HIPK2: variants seen among roughly 807,000 people sequenced by gnomAD.
HIPK2 encodes the protein homeodomain interacting protein kinase 2, also known as homeodomain-interacting protein kinase 2.
HIPK2 carries 27 observed loss-of-function variants against 113.7 expected under a neutral mutation model. That is an observed-to-expected ratio of 0.24 (90% CI 0.17 to 0.33). HIPK2 has a LOEUF of 0.33. Ranked by LOEUF, HIPK2 falls within the 10% of genes least tolerant of loss-of-function variation. HIPK2 has a pLI of 1.00. For synonymous variants in HIPK2, 631 were observed against 642.2 expected (o/e 0.98, Z 0.26); for missense variants, 1,257 against 1,588.0 (o/e 0.79, Z 3.54).
At chr7:139,668,377 T>C (rs913431560) in intron 2 of HIPK2, among the ~76,000 whole-genome samples, 5 of 152,020 alleles carry the variant, frequency 3.3e-5, no homozygotes, top group African/African-American at 1.2e-4. Flanking sequence ...CTGGCTAACA[T>C]GGTGAAACCC....
At position 139,581,613 on chromosome 7, in the gene HIPK2, C is replaced by T. The variant is rs576824479; in HGVS notation, c.2965+2204G>A. Among the ~76,000 whole-genome samples, 43 of 152,302 alleles carry T rather than the reference C, an allele frequency of 2.8e-4. No individual in the cohort carries two copies. The South Asian group carries it at 5.0e-3, about 18-fold the overall frequency. On this transcript the variant is annotated intron_variant, in intron 13 of 14. Transcript: ENST00000406875. ...AAGAGGGCTGGGGGAGCGCTGAACT[C>T]TCCCATGCTCTGGGTGCTGTAGCTG...
intron 1 of HIPK2, among the ~76,000 whole-genome samples, chr7:139,765,306 T>C (rs1173701140): frequency 6.6e-6 from 1 of 152,184 alleles, no homozygotes; most frequent in Non-Finnish European, 1.5e-5. Flanking sequence ...CTCATGATAG[T>C]AAATAACCTT....
At chr7:139,691,312 G>C (rs938440749) in intron 2 of HIPK2, among the ~76,000 whole-genome samples, 2 of 152,162 alleles carry the variant, frequency 1.3e-5, no homozygotes, top group East Asian at 3.8e-4. Context: ...GCAGTTGCTG[G>C]TAATTTAGCA....
At chr7:139,585,485 T>G (rs1798803876) in intron 12 of HIPK2, among the ~76,000 whole-genome samples, 1 of 152,210 alleles carries the variant, frequency 6.6e-6, no homozygotes, top group Admixed American at 6.5e-5. Context: ...CCTCTCTGGT[T>G]CAGGGTGCCT....
chr7:139,579,040 C>T (rs1211870308), intron 13 of HIPK2, among the ~76,000 whole-genome samples: 1 of 152,152 alleles, frequency 6.6e-6, no homozygotes, highest in African/African-American at 2.4e-5. Context: ...CCTGGTGACA[C>T]TGAAAAGCGT....
Position 139,596,784 on chromosome 7 carries a change from T to C in HIPK2, c.2650A>G (p.Thr884Ala), listed in dbSNP as rs377181369. 1 of 1,613,892 alleles carries C rather than the reference T, an allele frequency of 6.2e-7. No homozygotes were observed. The highest frequency in any genetic ancestry group is 8.5e-7 in the Non-Finnish European group (1 of 1,179,814). The change falls in exon 12 of 15, where the codon ACG (threonine) becomes GCG (alanine). Residue 884 changes from threonine to alanine, a missense_variant. Physicochemically the swap from Thr to Ala is moderately conservative, Grantham distance 58. Around this residue, in one of 5 missense-constraint regions of HIPK2, gnomAD observed 862 missense variants for 1,004.3 expected, o/e 0.86. Coordinates refer to ENST00000406875, the MANE Select transcript of HIPK2 (RefSeq NM_022740.5). ...TIVIPDTPSP[T>A]VSVITISSDT... ...CTGCTGATGGTGATGACGCTGACCG[T>C]GGGGCTGGGAGTGTCGGGAATGACA...
intron 2 of HIPK2, among the ~76,000 whole-genome samples, chr7:139,632,907 G>A (rs1456964966): frequency 6.6e-6 from 1 of 151,800 alleles, no homozygotes; most frequent in Admixed American, 6.6e-5. Context: ...GCAAAACCCT[G>A]TCTCTACCAA....
intron 11 of HIPK2, among the ~76,000 whole-genome samples, chr7:139,599,206 ATCTC>A (rs144276228): frequency 2.0e-5 from 3 of 150,364 alleles, no homozygotes; most frequent in Non-Finnish European, 3.0e-5. Context: ...TAGTCACACG[ATCTC>A]TCTCTCTCTC....
At position 139,588,835 on chromosome 7, in the gene HIPK2, C is replaced by T. The variant is rs79112343; in HGVS notation, c.2718-4771G>A. The stretch of plus-strand genomic sequence containing the variant: ...ATAAGGGAACTCCTCCCACCTCACA[C>T]TGTTTCGAAGTACTCTGAGGGCCAG... On this transcript the variant is annotated intron_variant, in intron 12 of 14. Coordinates refer to ENST00000406875, the MANE Select transcript of HIPK2 (RefSeq NM_022740.5). 1.4e-4 allele frequency among the ~76,000 whole-genome samples: 22 copies of T among 152,308 alleles called. No individual in the cohort carries two copies. In the East Asian group the frequency reaches 3.9e-3, roughly 27 times the overall value.
intron 2 of HIPK2, among the ~76,000 whole-genome samples, chr7:139,668,037 G>A (rs528136638): frequency 4.6e-4 from 69 of 150,396 alleles, no homozygotes; most frequent in Middle Eastern, 3.4e-3. Context: ...TGAGACAGGC[G>A]ATCGCTTGAA....
intron 13 of HIPK2, among the ~76,000 whole-genome samples, chr7:139,583,073 A>G (rs1798720180): frequency 6.6e-6 from 1 of 152,230 alleles, no homozygotes; most frequent in African/African-American, 2.4e-5. Flanking sequence ...ACGCAGGTGC[A>G]GGCTGGCTTG....
intron 12 of HIPK2, among the ~76,000 whole-genome samples, chr7:139,594,177 C>G (rs1799120320): frequency 6.6e-6 from 1 of 152,204 alleles, no homozygotes; most frequent in South Asian, 2.1e-4. Flanking sequence ...CAAAGCCCCC[C>G]TCCCCTGCTA....
intron 2 of HIPK2, among the ~76,000 whole-genome samples, chr7:139,684,764 A>T (rs150904464): frequency 6.6e-6 from 1 of 152,238 alleles, no homozygotes; most frequent in Admixed American, 6.5e-5. Flanking sequence ...CTCTTGTGCC[A>T]AACAGCCAAG....
chr7:139,709,836 T>G (rs1014760171), intron 2 of HIPK2, among the ~76,000 whole-genome samples: 22 of 152,210 alleles, frequency 1.4e-4, no homozygotes, highest in Non-Finnish European at 2.4e-4. Flanking sequence ...GCTTCAGAAC[T>G]GAGCCTTAGA....
At chr7:139,642,485 C>A (rs1443039179) in intron 2 of HIPK2, among the ~76,000 whole-genome samples, 1 of 152,232 alleles carries the variant, frequency 6.6e-6, no homozygotes, top group African/African-American at 2.4e-5. Context: ...AGAGACAACA[C>A]GCCCTGTGAC....
rs1307910011 is a variant in HIPK2 at position 139,575,275 on chromosome 7, G to A, written c.2979C>T (p.His993=). 5 of 1,572,108 alleles carry A rather than the reference G, an allele frequency of 3.2e-6. No individual in the cohort carries two copies. Among genetic ancestry groups the A allele is most frequent in the Non-Finnish European group, 4.3e-6 (5 of 1,158,704 alleles). The change falls in exon 14 of 15, where the codon CAC becomes CAT. Residue 993 remains histidine (H), a synonymous_variant. Coordinates refer to ENST00000406875, the MANE Select transcript of HIPK2 (RefSeq NM_022740.5). ...CDSLVPVNTS[H]HSSSYKSKSS... The stretch of plus-strand genomic sequence containing the variant: ...ACTTGGACTTGTAGGAGGACGAGTG[G>A]TGACTGGTGTTGACTGTGGCGGGAG...
chr7:139,626,292 A>G (rs1183462700), intron 6 of HIPK2, among the ~76,000 whole-genome samples: 1 of 152,030 alleles, frequency 6.6e-6, no homozygotes, highest in Non-Finnish European at 1.5e-5. Context: ...TAGTAGAGAC[A>G]GGGTTTCACC....
chr7:139,679,356 T>C (rs961654441), intron 2 of HIPK2, among the ~76,000 whole-genome samples: 1 of 152,214 alleles, frequency 6.6e-6, no homozygotes, highest in Admixed American at 6.5e-5. Flanking sequence ...TACTCTCACA[T>C]TGGCAACACC....
chr7:139,684,108 A>G lies in HIPK2; in HGVS notation c.1103+31824T>C, dbSNP rs79011007. On this transcript the variant is annotated intron_variant, in intron 2 of 14. Coordinates refer to ENST00000406875, the MANE Select transcript of HIPK2 (RefSeq NM_022740.5). Reference sequence around the variant, plus strand: ...TATTTCAAACTTTTTCATCATTGTGATATCTGTTATGGTGACCTGTGATTA... The same window carrying G: ...TATTTCAAACTTTTTCATCATTGTGGTATCTGTTATGGTGACCTGTGATTA... Among the ~76,000 whole-genome samples, 649 of 152,202 alleles carry G rather than the reference A, an allele frequency of 4.3e-3. 5 individuals are homozygous for G. Among genetic ancestry groups the G allele is most frequent in the African/African-American group, 0.014 (564 of 41,514 alleles).
Sources: allele counts gnomAD v4.1 joint callset (sites outside exome capture counted in the v4.1 genomes callset), GRCh38; gene constraint gnomAD v4.1.1; regional missense constraint gnomAD v4.1.1; transcripts MANE v1.5; gene names NCBI Gene and HGNC (gene_info 2026-07-23, HGNC 2026-07-21).